Variants in NAV3 observed in about 807,000 individuals in gnomAD.
The protein encoded by NAV3 is neuron navigator 3.
NAV3 carries 87 observed loss-of-function variants against 244.7 expected under a neutral mutation model. The ratio of observed to expected loss-of-function variants is 0.36; its 90% CI spans 0.30 to 0.42. NAV3 has a LOEUF of 0.42. Ranked by LOEUF, NAV3 falls within the 20% of genes least tolerant of loss-of-function variation. NAV3 has a pLI of 1.00. For synonymous variants in NAV3, 1,126 were observed against 1,042.2 expected (o/e 1.08, Z -1.55); for missense variants, 2,663 against 2,893.3 (o/e 0.92, Z 1.83).
chr12:77,855,460 T>C (rs1207240136), intron 1 of NAV3, among the ~76,000 whole-genome samples: 1 of 152,206 alleles, frequency 6.6e-6, no homozygotes, highest in Non-Finnish European at 1.5e-5. Flanking sequence ...ACAATATTTT[T>C]CTATTTTCTC....
At chr12:78,052,936 A>G (rs2137295884) in intron 11 of NAV3, among the ~76,000 whole-genome samples, 1 of 152,102 alleles carries the variant, frequency 6.6e-6, no homozygotes, top group South Asian at 2.1e-4. Context: ...ATATATACCA[A>G]GGCTGGGCAC....
chr12:78,148,822 A>ATT lies in NAV3; in HGVS notation c.4708-14_4708-13dup, dbSNP rs3214877. 1.1e-5 allele frequency: 18 copies of ATT among 1,603,620 alleles called. No individual in the cohort carries two copies. The highest frequency in any genetic ancestry group is 5.1e-5 in the Admixed American group (3 of 58,862). ...AAAAATCTACTTGCCTATTCCATTG[A>ATT]TTTTTTTAATTGCATTCAGCAAATC... On this transcript the variant is annotated intron_variant, in intron 21 of 39. Coordinates refer to ENST00000397909, the MANE Select transcript of NAV3 (RefSeq NM_001024383.2).
chr12:78,043,911 C>T (rs1881314134), intron 9 of NAV3, among the ~76,000 whole-genome samples: 1 of 152,156 alleles, frequency 6.6e-6, no homozygotes, highest in Non-Finnish European at 1.5e-5. Context: ...GTTTCTTTTG[C>T]TGTGCAGAAT....
intron 2 of NAV3, among the ~76,000 whole-genome samples, chr12:77,611,458 AAT>A (rs1485868243): frequency 2.0e-5 from 3 of 151,920 alleles, no homozygotes; most frequent in Non-Finnish European, 4.4e-5. Flanking sequence ...TCTCCTATAA[AAT>A]ATTTTCTTAA....
At chr12:78,123,789 C>T (rs1321478808) in intron 16 of NAV3, among the ~76,000 whole-genome samples, 1 of 152,162 alleles carries the variant, frequency 6.6e-6, no homozygotes, top group Non-Finnish European at 1.5e-5. Flanking sequence ...TATGGTTTTG[C>T]TGTTATATGC....
intron 34 of NAV3, among the ~76,000 whole-genome samples, chr12:78,194,546 T>C (rs1039307310): frequency 6.6e-6 from 1 of 152,088 alleles, no homozygotes. Context: ...GCTTCAATAA[T>C]TTCAACATTC....
chr12:77,595,996 T>C (rs910383686), intron 2 of NAV3, among the ~76,000 whole-genome samples: 10 of 152,204 alleles, frequency 6.6e-5, no homozygotes, highest in African/African-American at 2.2e-4. Flanking sequence ...TTAAGAACAT[T>C]GTGGATTGAC....
chr12:78,093,537 C>T (rs1267904040), intron 12 of NAV3, among the ~76,000 whole-genome samples: 1 of 151,930 alleles, frequency 6.6e-6, no homozygotes, highest in East Asian at 1.9e-4. Context: ...GGAAATAAAA[C>T]ACATAACACT....
chr12:77,977,970 A>G (rs1437416633), intron 5 of NAV3, among the ~76,000 whole-genome samples: 1 of 152,018 alleles, frequency 6.6e-6, no homozygotes, highest in Non-Finnish European at 1.5e-5. Context: ...GGGATTATCC[A>G]GTTATTATAG....
intron 9 of NAV3, among the ~76,000 whole-genome samples, chr12:78,022,177 A>G (rs905399302): frequency 2.6e-5 from 4 of 152,174 alleles, no homozygotes; most frequent in African/African-American, 7.2e-5. Flanking sequence ...TTGGCCATGT[A>G]TATTCTCCAT....
At chr12:77,828,323 G>T (rs77526599), upstream of NAV3, among the ~76,000 whole-genome samples, 3,024 of 152,178 alleles carry the variant, frequency 0.02, 61 homozygotes, top group East Asian at 0.12. Context: ...TCACTCTTAT[G>T]CTTCCCAGCC....
intron 39 of NAV3, among the ~76,000 whole-genome samples, chr12:78,207,955 A>G (rs540983602): frequency 6.6e-6 from 1 of 152,280 alleles, no homozygotes; most frequent in Non-Finnish European, 1.5e-5. Context: ...GATGATAAGG[A>G]CTTGATCAAG....
chr12:77,670,911 C>T (rs192898509), intron 2 of NAV3, among the ~76,000 whole-genome samples: 1 of 152,184 alleles, frequency 6.6e-6, no homozygotes, highest in Admixed American at 6.5e-5. Flanking sequence ...CACTTGTATT[C>T]AACACAGTAC....
At chr12:78,062,095 G>A (rs1884409179) in intron 12 of NAV3, among the ~76,000 whole-genome samples, 1 of 152,066 alleles carries the variant, frequency 6.6e-6, no homozygotes. Context: ...TTTCTGTTAT[G>A]CAGTCACATA....
chr12:77,993,315 A>G (rs987304372), intron 5 of NAV3, among the ~76,000 whole-genome samples: 6 of 152,230 alleles, frequency 3.9e-5, no homozygotes, highest in African/African-American at 1.4e-4. Flanking sequence ...TCTTGAATTG[A>G]CAAGTAGACT....
chr12:77,573,018 C>T (rs892305555), intron 2 of NAV3, among the ~76,000 whole-genome samples: 7 of 152,136 alleles, frequency 4.6e-5, no homozygotes, highest in South Asian at 2.1e-4. Context: ...GAGCCCCACT[C>T]GTACTGAAAT....
chr12:78,105,716 TA>T (rs541522460), intron 12 of NAV3, among the ~76,000 whole-genome samples: 1 of 151,572 alleles, frequency 6.6e-6, no homozygotes, highest in Non-Finnish European at 1.5e-5. Flanking sequence ...TTGCAAAATG[TA>T]AAAAAAACAA....
At chr12:78,102,046 G>C (rs561275950) in intron 12 of NAV3, among the ~76,000 whole-genome samples, 13 of 152,172 alleles carry the variant, frequency 8.5e-5, no homozygotes, top group African/African-American at 2.9e-4. Context: ...GTGTTACCTA[G>C]TTTTCCTCTG....
rs11331788 is a variant in NAV3, at chr12:77,878,786, A to AT, written c.243+47093dup. 4.5e-3 allele frequency among the ~76,000 whole-genome samples: 663 copies of AT among 145,920 alleles called. 2 individuals are homozygous for AT. Among genetic ancestry groups the AT allele is most frequent in the South Asian group, 0.013 (61 of 4,640 alleles). On this transcript the variant is annotated intron_variant, in intron 1 of 39. Coordinates refer to ENST00000397909, the MANE Select transcript of NAV3 (RefSeq NM_001024383.2). ...ACATTTGCTCCATTTTAATTCTATC[A>AT]TTTTTTTTTTTAGCGTTCCCATCGT...
Sources: gnomAD v4.1 joint callset for allele counts (sites outside exome capture counted in the v4.1 genomes callset) on GRCh38, gnomAD v4.1.1 for gene constraint, MANE v1.5 for transcripts, NCBI Gene and HGNC (gene_info 2026-07-23, HGNC 2026-07-21) for gene names.